The following VPS13C variants were observed in gnomAD, a reference collection of about 807,000 sequenced individuals.
The protein encoded by VPS13C is intermembrane lipid transfer protein VPS13C.
In VPS13C, 358 loss-of-function variants were observed where a neutral mutation model predicts 456.8. The observed-to-expected ratio is 0.78, with a 90% CI of 0.72 to 0.86. VPS13C has a LOEUF of 0.86. VPS13C is among the 40% of genes least tolerant of loss of function. The pLI is 0.00. For missense variants in VPS13C, 4,818 were observed against 4,385.4 expected (o/e 1.10, Z -2.79); for synonymous variants, 1,578 against 1,486.7 (o/e 1.06, Z -1.41).
In VPS13C at chr15:61,858,564, A is replaced by G. The variant is rs1894053687; in HGVS notation, c.10953-2155T>C. ...CCCCAACCCTGGTATATATCTCTGTATAGTGCCCTGGACTTTGAATATAAT... is the reference window on the plus strand; with the variant it reads ...CCCCAACCCTGGTATATATCTCTGTGTAGTGCCCTGGACTTTGAATATAAT... On this transcript the variant is annotated intron_variant, in intron 82 of 84. Coordinates refer to ENST00000644861, the MANE Select transcript of VPS13C (RefSeq NM_020821.3). The surrounding 1 kb of genome is among the most constrained non-coding windows in gnomAD (Gnocchi z 4.4). 2.0e-5 allele frequency among the ~76,000 whole-genome samples: 3 copies of G among 152,170 alleles called. No individual in the cohort carries two copies. The highest frequency in any genetic ancestry group is 7.2e-5 in the African/African-American group (3 of 41,444).
chr15:62,001,912 C>T (rs1596458940), intron 15 of VPS13C, among the ~76,000 whole-genome samples: 1 of 152,128 alleles, frequency 6.6e-6, no homozygotes, highest in Non-Finnish European at 1.5e-5. Flanking sequence ...TTAATCTAGT[C>T]TATCATTGTT....
Position 61,929,675 on chromosome 15 carries a change from C to T in VPS13C, c.6112G>A (p.Gly2038Arg). Residue 2038 changes from glycine to arginine, a missense_variant, in exon 51 of 85, where the codon GGA (glycine) becomes AGA (arginine). Gly to Arg is a moderately radical substitution (Grantham distance 125, BLOSUM62 -2). Transcript: ENST00000644861. ...IDISYKQDKN[G>R]SQIDAVLDKL... is the part of the protein sequence containing the mutation. Reference sequence around the variant, plus strand: ...TCAAGAACAGCATCAATTTGACTTCCATTTTTGTCTTGTTTGTAACTTATA... The same window carrying T: ...TCAAGAACAGCATCAATTTGACTTCTATTTTTGTCTTGTTTGTAACTTATA... The T allele has an allele frequency of 2.5e-6, 4 of 1,614,000 alleles. No homozygotes were observed. The highest frequency in any genetic ancestry group is 3.4e-6 in the Non-Finnish European group (4 of 1,179,972).
intron 6 of VPS13C, among the ~76,000 whole-genome samples, chr15:62,025,478 A>C (rs1319107806): frequency 6.6e-6 from 1 of 152,142 alleles, no homozygotes; most frequent in Non-Finnish European, 1.5e-5. Flanking sequence ...AACAAGTAAG[A>C]AAGCCAGTCT....
At chr15:62,006,423 G>C (rs1235541103) in intron 15 of VPS13C, among the ~76,000 whole-genome samples, 3 of 151,772 alleles carry the variant, frequency 2.0e-5, no homozygotes, top group Non-Finnish European at 2.9e-5. Flanking sequence ...GTCCCTACAA[G>C]GGACATGAAC....
intron 6 of VPS13C, among the ~76,000 whole-genome samples, chr15:62,025,868 T>G (rs2047619210): frequency 6.6e-6 from 1 of 151,846 alleles, no homozygotes; most frequent in Admixed American, 6.6e-5. Context: ...TTTACCATAT[T>G]ATAAATAAAA....
intron 45 of VPS13C, among the ~76,000 whole-genome samples, chr15:61,944,353 A>G (rs114270500): frequency 8.5e-4 from 130 of 152,292 alleles, no homozygotes; most frequent in African/African-American, 2.9e-3. Flanking sequence ...TCAGAGCACA[A>G]TTCACAACAG....
At chr15:61,891,547 T>A (rs2042651122) in intron 66 of VPS13C, among the ~76,000 whole-genome samples, 1 of 152,190 alleles carries the variant, frequency 6.6e-6, no homozygotes, top group South Asian at 2.1e-4. Context: ...CAGTTATTAT[T>A]CCAATATTAT....
chr15:61,895,131 T>C (rs1415734299), intron 66 of VPS13C, among the ~76,000 whole-genome samples: 1 of 151,934 alleles, frequency 6.6e-6, no homozygotes, highest in East Asian at 1.9e-4. Flanking sequence ...ATGAAGAAAT[T>C]AAGAAGGAAA....
chr15:61,890,527 T>C, intron 66 of VPS13C, 127 bp from the exon 67 acceptor site: 1 of 765,646 alleles, frequency 1.3e-6, no homozygotes, highest in Non-Finnish European at 2.1e-6. Flanking sequence ...ATTCTAACCA[T>C]CAAAATGACA....
At chr15:62,029,589 T>C (rs1445628705) in intron 5 of VPS13C, among the ~76,000 whole-genome samples, 6 of 152,144 alleles carry the variant, frequency 3.9e-5, no homozygotes, top group Non-Finnish European at 8.8e-5. Context: ...CATAAAACTG[T>C]CTGTACCTCT....
intron 9 of VPS13C, among the ~76,000 whole-genome samples, chr15:62,016,525 G>A (rs929170913): frequency 1.3e-5 from 2 of 149,022 alleles, no homozygotes; most frequent in African/African-American, 2.5e-5. Flanking sequence ...TGCAGTGTTT[G>A]GTTTTTTGTC....
intron 16 of VPS13C, among the ~76,000 whole-genome samples, chr15:61,993,856 C>T (rs1186076457): frequency 3.3e-5 from 5 of 151,966 alleles, no homozygotes; most frequent in African/African-American, 2.4e-5. Flanking sequence ...TGGTATTGTA[C>T]TATATTATGT....
At chr15:61,890,811 C>A (rs545237639) in intron 66 of VPS13C, among the ~76,000 whole-genome samples, 1 of 152,272 alleles carries the variant, frequency 6.6e-6, no homozygotes, top group South Asian at 2.1e-4. Flanking sequence ...CTTTTGGAGG[C>A]TGAAGCGGGC....
chr15:62,008,408 A>G (rs1231041903), intron 14 of VPS13C, among the ~76,000 whole-genome samples: 1 of 152,142 alleles, frequency 6.6e-6, no homozygotes, highest in Admixed American at 6.5e-5. Context: ...CAAAAAAAAA[A>G]AGAATTTGGG....
chr15:61,923,435 G>A (rs1430932567), intron 53 of VPS13C, among the ~76,000 whole-genome samples: 1 of 152,004 alleles, frequency 6.6e-6, no homozygotes, highest in African/African-American at 2.4e-5. Context: ...ACTCCACACT[G>A]CCACCAGCAT....
chr15:61,928,074 G>A (rs554507799), intron 51 of VPS13C, among the ~76,000 whole-genome samples: 58 of 151,868 alleles, frequency 3.8e-4, no homozygotes, highest in African/African-American at 1.3e-3. Context: ...GATAGCATTA[G>A]GAGATATACC....
chr15:61,950,632 T>C (rs1457468437), intron 40 of VPS13C, among the ~76,000 whole-genome samples: 1 of 151,624 alleles, frequency 6.6e-6, no homozygotes, highest in Admixed American at 6.6e-5. Flanking sequence ...TAATTCCTTA[T>C]CCTACTGTGG....
chr15:61,910,167 G>T lies in VPS13C; in HGVS notation c.8844+10C>A. The T allele has an allele frequency of 7.7e-7, 1 of 1,304,332 alleles. No homozygotes were observed. Among genetic ancestry groups the T allele is most frequent in the South Asian group, 2.7e-5 (1 of 37,224 alleles). 80.8% of individuals were successfully genotyped at this position (1,304,332 alleles called of 1,614,324 possible). A position where few individuals can be genotyped will look rare whatever the true frequency, so the allele number is the denominator to read the frequency against. On this transcript the variant is annotated intron_variant, in intron 64 of 84. Transcript: ENST00000644861. Reference sequence around the variant, plus strand: ...TAAAAATAAAAATAAAATAAAATATGAAAACTTACCAGATCTTCTAAGCTC... The same window carrying T: ...TAAAAATAAAAATAAAATAAAATATTAAAACTTACCAGATCTTCTAAGCTC...
chr15:61,981,200 C>A, intron 22 of VPS13C, 142 bp downstream of exon 22: 1 of 1,022,686 alleles, frequency 9.8e-7, no homozygotes, highest in Non-Finnish European at 1.3e-6. Flanking sequence ...ATAAAATACT[C>A]CAAGCAAGGC....
Sources: allele counts gnomAD v4.1 joint callset (sites outside exome capture counted in the v4.1 genomes callset), GRCh38; gene constraint gnomAD v4.1.1; non-coding constraint Gnocchi (gnomAD v3.1); transcripts MANE v1.5; gene names NCBI Gene and HGNC (gene_info 2026-07-23, HGNC 2026-07-21).